Variants in B3GALT1 observed in about 807,000 individuals in gnomAD.
B3GALT1 encodes the protein beta-1,3-galactosyltransferase 1.
In B3GALT1, 10 loss-of-function variants were observed where a neutral mutation model predicts 23.2. The ratio of observed to expected loss-of-function variants is 0.43; its 90% CI spans 0.27 to 0.73. The LOEUF is 0.73. B3GALT1 is among the 30% of genes least tolerant of loss of function. The pLI is 0.21. For missense variants in B3GALT1, 299 were observed against 405.4 expected, an observed-to-expected ratio of 0.74 and a Z score of 2.25; for synonymous variants, 156 against 141.5, an observed-to-expected ratio of 1.10 and a Z score of -0.73.
chr2:167,361,500 A>G (rs925956870), intron 1 of B3GALT1, among the ~76,000 whole-genome samples: 1 of 152,250 alleles, frequency 6.6e-6, no homozygotes, highest in African/African-American at 2.4e-5. Flanking sequence ...TGCAAACAAA[A>G]CAGATATTAA....
At chr2:167,471,598 T>C (rs1170190138) in intron 1 of B3GALT1, among the ~76,000 whole-genome samples, 2 of 152,166 alleles carry the variant, frequency 1.3e-5, no homozygotes, top group South Asian at 4.1e-4. Flanking sequence ...AGCTTCAAGA[T>C]GGAACATGGA....
intron 1 of B3GALT1, among the ~76,000 whole-genome samples, chr2:167,390,061 C>G (rs1193341095): frequency 3.3e-5 from 5 of 152,056 alleles, no homozygotes; most frequent in African/African-American, 1.2e-4. Flanking sequence ...ACTGGGCCAT[C>G]ATGGAGGAAA....
chr2:167,295,718 CTT>C (rs1574021352), intron 1 of B3GALT1, among the ~76,000 whole-genome samples: 1 of 151,634 alleles, frequency 6.6e-6, no homozygotes, highest in East Asian at 1.9e-4. Flanking sequence ...AGCCACAAGT[CTT>C]AAAATGGAAT....
intron 3 of B3GALT1, among the ~76,000 whole-genome samples, chr2:167,792,976 C>T (rs1034202133): frequency 6.6e-6 from 1 of 151,522 alleles, no homozygotes; most frequent in Non-Finnish European, 1.5e-5. Flanking sequence ...TAGTGCTATT[C>T]TCTGAGCTTA....
chr2:167,609,620 T>A (rs1253972462), intron 2 of B3GALT1, among the ~76,000 whole-genome samples: 1 of 152,150 alleles, frequency 6.6e-6, no homozygotes. Flanking sequence ...CTTCAGCTGA[T>A]CTCTCCTAAG....
chr2:167,509,240 G>A (rs1699968018), intron 2 of B3GALT1, among the ~76,000 whole-genome samples: 3 of 152,092 alleles, frequency 2.0e-5, no homozygotes, highest in Admixed American at 2.0e-4. Context: ...AAAGTAAAAT[G>A]GCTAATAGAC....
At chr2:167,823,024 A>G (rs1042692899) in intron 4 of B3GALT1, among the ~76,000 whole-genome samples, 8 of 152,182 alleles carry the variant, frequency 5.3e-5, no homozygotes, top group African/African-American at 1.9e-4. Context: ...TAGAAGTGAC[A>G]TGCTTCATTT....
chr2:167,329,452 G>C (rs923644981), intron 1 of B3GALT1, among the ~76,000 whole-genome samples: 3 of 152,176 alleles, frequency 2.0e-5, no homozygotes, highest in Non-Finnish European at 4.4e-5. Context: ...GATAAGAAGA[G>C]TGTGTATTCT....
intron 1 of B3GALT1, among the ~76,000 whole-genome samples, chr2:167,362,296 A>G (rs1697511470): frequency 6.6e-6 from 1 of 152,200 alleles, no homozygotes; most frequent in African/African-American, 2.4e-5. Flanking sequence ...ATGGAATGTA[A>G]TTAGTCCCAT....
intron 4 of B3GALT1, among the ~76,000 whole-genome samples, chr2:167,822,964 C>T (rs1351114964): frequency 1.3e-5 from 2 of 152,124 alleles, no homozygotes; most frequent in African/African-American, 4.8e-5. Context: ...CCTAGCCTTC[C>T]TTAGAGTTGG....
chr2:167,682,843 G>A (rs985142311), intron 3 of B3GALT1, among the ~76,000 whole-genome samples: 1 of 152,216 alleles, frequency 6.6e-6, no homozygotes, highest in Non-Finnish European at 1.5e-5. Flanking sequence ...TTAAATGAAA[G>A]AAGGAAATAA....
In B3GALT1 at chr2:167,445,603, C is replaced by T. The variant is rs188811975; in HGVS notation, c.-510-44574C>T. On this transcript the variant is annotated intron_variant, in intron 1 of 4. Coordinates refer to ENST00000392690, the MANE Select transcript of B3GALT1 (RefSeq NM_020981.4). ...GTTAGCTCTTCTTGTGGAATTGATC[C>T]CTTTACCATTATGTAATGACCTTTG... 5.3e-5 allele frequency among the ~76,000 whole-genome samples: 8 copies of T among 152,216 alleles called. No individual in the cohort carries two copies. In the South Asian group the frequency reaches 8.3e-4, roughly 16 times the overall value.
At chr2:167,449,655 A>G (rs978578768) in intron 1 of B3GALT1, among the ~76,000 whole-genome samples, 1 of 152,170 alleles carries the variant, frequency 6.6e-6, no homozygotes, top group African/African-American at 2.4e-5. Flanking sequence ...GAGAGTAAGT[A>G]TCCTTGTCTA....
At chr2:167,603,290 C>G (rs1167233311) in intron 2 of B3GALT1, among the ~76,000 whole-genome samples, 1 of 152,032 alleles carries the variant, frequency 6.6e-6, no homozygotes, top group East Asian at 1.9e-4. Context: ...GTGGAAGGAC[C>G]CAGGCGCAAG....
At chr2:167,612,912 G>C (rs1374829342) in intron 2 of B3GALT1, among the ~76,000 whole-genome samples, 1 of 151,990 alleles carries the variant, frequency 6.6e-6, no homozygotes, top group Non-Finnish European at 1.5e-5. Flanking sequence ...CTGATGAAGA[G>C]TTTGTCAAAA....
At position 167,563,308 on chromosome 2, in the gene B3GALT1, G is replaced by A. The variant is rs1276363712; in HGVS notation, c.-410+73031G>A. 5.5e-5 allele frequency among the ~76,000 whole-genome samples: 8 copies of A among 145,120 alleles called. No homozygotes were observed. The South Asian group carries it at 1.8e-3, about 33-fold the overall frequency. ...CTCACTTCCCAGTAGGGGCGGCCGG[G>A]CAGAGGCGCCCCTCACTTCCCGGAA... On this transcript the variant is annotated intron_variant, in intron 2 of 4. Transcript: ENST00000392690.
At chr2:167,462,230 G>A (rs1343133366) in intron 1 of B3GALT1, among the ~76,000 whole-genome samples, 1 of 151,990 alleles carries the variant, frequency 6.6e-6, no homozygotes, top group Non-Finnish European at 1.5e-5. Flanking sequence ...TTATATAATT[G>A]AATCTTTAAT....
At chr2:167,377,714 C>T (rs532915571) in intron 1 of B3GALT1, among the ~76,000 whole-genome samples, 2 of 151,778 alleles carry the variant, frequency 1.3e-5, no homozygotes, top group Admixed American at 1.3e-4. Flanking sequence ...CTATGGGTGT[C>T]GTTATATGTG....
At chr2:167,334,441 C>T (rs978102997) in intron 1 of B3GALT1, among the ~76,000 whole-genome samples, 3 of 152,090 alleles carry the variant, frequency 2.0e-5, no homozygotes, top group South Asian at 2.1e-4. Context: ...ATCTGAAGTT[C>T]GTTTTAAAGG....
Sources: allele counts gnomAD v4.1 joint callset (sites outside exome capture counted in the v4.1 genomes callset), GRCh38; gene constraint gnomAD v4.1.1; transcripts MANE v1.5; gene names NCBI Gene and HGNC (gene_info 2026-07-23, HGNC 2026-07-21).